MAML3: variants seen among roughly 807,000 people sequenced by gnomAD.
MAML3 encodes mastermind-like protein 3.
In MAML3, 27 loss-of-function variants were observed where a neutral mutation model predicts 101.9. The observed-to-expected ratio is 0.27, with a 90% CI of 0.20 to 0.37. MAML3 has a LOEUF of 0.37. Ranked by LOEUF, MAML3 falls within the 10% of genes least tolerant of loss-of-function variation. The pLI, the probability that MAML3 is intolerant of heterozygous loss-of-function variation, is 1.00. For synonymous variants in MAML3, 501 were observed against 555.9 expected, an observed-to-expected ratio of 0.90 and a Z score of 1.39; for missense variants, 1,316 against 1,444.9, an observed-to-expected ratio of 0.91 and a Z score of 1.45.
chr4:140,041,839 T>C (rs1368108975), intron 1 of MAML3, among the ~76,000 whole-genome samples: 1 of 152,198 alleles, frequency 6.6e-6, no homozygotes, highest in East Asian at 1.9e-4. Flanking sequence ...TGGATTTAAA[T>C]GGAAGGCTGC....
chr4:139,875,916 C>CAAA (rs57104878), intron 2 of MAML3, among the ~76,000 whole-genome samples: 2 of 81,570 alleles, frequency 2.5e-5, no homozygotes, highest in Admixed American at 1.5e-4. Flanking sequence ...TCACAAACAG[C>CAAA]AAAAAAAAAA....
chr4:139,841,488 G>A (rs1453027101), intron 2 of MAML3, among the ~76,000 whole-genome samples: 1 of 152,212 alleles, frequency 6.6e-6, no homozygotes, highest in Admixed American at 6.5e-5. Context: ...CTTCCAACAG[G>A]AGAGCAGAGA....
chr4:139,943,288 G>C (rs1200467842), intron 1 of MAML3, among the ~76,000 whole-genome samples: 2 of 152,190 alleles, frequency 1.3e-5, no homozygotes, highest in Non-Finnish European at 2.9e-5. Context: ...AGCCACGATT[G>C]ACAGGAAAAG....
At chr4:139,725,884 G>A in intron 3 of MAML3, 49 bp from the exon 4 acceptor site, 2 of 1,469,802 alleles carry the variant, frequency 1.4e-6, no homozygotes, top group Non-Finnish European at 9.5e-7. Flanking sequence ...TAGGGAGCAA[G>A]CACACAATTC....
intron 2 of MAML3, among the ~76,000 whole-genome samples, chr4:139,765,517 G>A (rs1423182717): frequency 6.6e-6 from 1 of 152,224 alleles, no homozygotes; most frequent in Non-Finnish European, 1.5e-5. Flanking sequence ...GGATTCCAAT[G>A]TAATAATCAT....
rs576186001 is a variant in MAML3 at position 140,154,107 on chromosome 4, T to TCGCCGCCGCCGCCGC, written c.-795_-781dup. 5.6e-4 allele frequency: 100 copies of TCGCCGCCGCCGCCGC among 178,080 alleles called. 13 individuals are homozygous for TCGCCGCCGCCGCCGC. The highest frequency in any genetic ancestry group is 7.5e-4 in the Non-Finnish European group (64 of 85,440). 11.0% of individuals were successfully genotyped at this position (178,080 alleles called of 1,614,324 possible). A position where few individuals can be genotyped will look rare whatever the true frequency, so the allele number is the denominator to read the frequency against. On this transcript the variant is annotated 5_prime_UTR_variant, in exon 1 of 5. Transcript: ENST00000509479. ...TGCCACCATCACAATGATCAACTGCTCGCCGCCGCCGCCGCCGCCGCCTCC... is the reference window on the plus strand; with the variant it reads ...TGCCACCATCACAATGATCAACTGCTCGCCGCCGCCGCCGCCGCCGCCGCCGCCGCCGCCGCCTCC...
intron 2 of MAML3, among the ~76,000 whole-genome samples, chr4:139,784,405 T>C (rs996724013): frequency 2.0e-5 from 3 of 152,148 alleles, no homozygotes; most frequent in African/African-American, 4.8e-5. Flanking sequence ...GAGAATGGTG[T>C]TGGTTTAGGT....
chr4:139,900,186 T>A (rs1049123404), intron 1 of MAML3, among the ~76,000 whole-genome samples: 3 of 152,234 alleles, frequency 2.0e-5, no homozygotes, highest in African/African-American at 4.8e-5. Flanking sequence ...CAAAAAGTCT[T>A]GGAAGTACAT....
chr4:140,048,188 T>C (rs1216505643), intron 1 of MAML3, among the ~76,000 whole-genome samples: 1 of 152,186 alleles, frequency 6.6e-6, no homozygotes, highest in Non-Finnish European at 1.5e-5. Context: ...AGGGCAGTAT[T>C]TCAAGAATGA....
chr4:139,778,994 A>AAAG (rs1346447057), intron 2 of MAML3, among the ~76,000 whole-genome samples: 43 of 151,910 alleles, frequency 2.8e-4, no homozygotes, highest in Non-Finnish European at 4.7e-4. Flanking sequence ...AAAAAAAAAA[A>AAAG]AAAAAGAAAA....
intron 1 of MAML3, among the ~76,000 whole-genome samples, chr4:139,903,996 C>T (rs1732773065): frequency 6.6e-6 from 1 of 152,160 alleles, no homozygotes. Flanking sequence ...TCCTTCCAGC[C>T]CTTTGGGAGG....
At chr4:139,775,455 C>T (rs548190748) in intron 2 of MAML3, among the ~76,000 whole-genome samples, 2 of 152,082 alleles carry the variant, frequency 1.3e-5, no homozygotes, top group South Asian at 4.2e-4. Flanking sequence ...CTAGATTCCT[C>T]TCTGCTTGAG....
intron 1 of MAML3, among the ~76,000 whole-genome samples, chr4:139,911,707 C>G (rs974871589): frequency 2.6e-5 from 4 of 152,088 alleles, no homozygotes; most frequent in African/African-American, 9.7e-5. Context: ...AGGTAGTGCC[C>G]TTATAAGAGG....
chr4:140,044,430 G>A (rs1229000814), intron 1 of MAML3, among the ~76,000 whole-genome samples: 1 of 152,216 alleles, frequency 6.6e-6, no homozygotes, highest in African/African-American at 2.4e-5. Context: ...GACAGCTGTA[G>A]CATTATAGCT....
intron 1 of MAML3, among the ~76,000 whole-genome samples, chr4:140,094,960 C>T (rs574693031): frequency 1.2e-4 from 18 of 152,196 alleles, no homozygotes; most frequent in African/African-American, 4.3e-4. Flanking sequence ...GAGGTCTGGA[C>T]GCTTGCCACT....
chr4:140,097,412 G>T (rs1366377928), intron 1 of MAML3, among the ~76,000 whole-genome samples: 1 of 152,256 alleles, frequency 6.6e-6, no homozygotes, highest in Admixed American at 6.5e-5. Context: ...GGTTTTGTTC[G>T]AGTTGTTACA....
intron 1 of MAML3, among the ~76,000 whole-genome samples, chr4:139,996,559 T>G (rs1311434896): frequency 6.6e-6 from 1 of 152,194 alleles, no homozygotes; most frequent in African/African-American, 2.4e-5. Context: ...GTAATAGTTC[T>G]TAAAATATAT....
At chr4:139,761,599 G>A (rs531734529) in intron 2 of MAML3, among the ~76,000 whole-genome samples, 1 of 152,308 alleles carries the variant, frequency 6.6e-6, no homozygotes, top group South Asian at 2.1e-4. Flanking sequence ...TATTCATCCA[G>A]CAAGTATTCG....
chr4:140,078,718 T>C (rs1727815497), intron 1 of MAML3, among the ~76,000 whole-genome samples: 1 of 151,446 alleles, frequency 6.6e-6, no homozygotes. Context: ...AGCTAGAGAG[T>C]CAAAGAAATT....
Sources: gnomAD v4.1 joint callset for allele counts (sites outside exome capture counted in the v4.1 genomes callset) on GRCh38, gnomAD v4.1.1 for gene constraint, MANE v1.5 for transcripts, NCBI Gene and HGNC (gene_info 2026-07-23, HGNC 2026-07-21) for gene names.